The following BMPR2 variants were observed in gnomAD, a reference collection of about 807,000 sequenced individuals.
BMPR2 encodes bone morphogenetic protein receptor type 2.
A neutral mutation model predicts 100.8 loss-of-function variants in BMPR2; 29 were observed. The ratio of observed to expected loss-of-function variants is 0.29; its 90% CI spans 0.21 to 0.39. The LOEUF (loss-of-function observed/expected upper bound fraction) is 0.39, where lower values mean the gene tolerates loss of function less well. Among genes scored for constraint, BMPR2 ranks in the 10% least tolerant of loss-of-function variants. BMPR2 has a pLI of 1.00. For missense variants in BMPR2, 1,011 were observed against 1,274.5 expected (o/e 0.79, Z 3.15); for synonymous variants, 382 against 442.3 (o/e 0.86, Z 1.71).
At chr2:202,480,609 T>C (rs1209185415) in intron 3 of BMPR2, among the ~76,000 whole-genome samples, 1 of 152,126 alleles carries the variant, frequency 6.6e-6, no homozygotes, top group Non-Finnish European at 1.5e-5. Flanking sequence ...CAGTATCTTT[T>C]GTGGAAAATA....
chr2:202,546,091 C>T (rs1308850072), intron 10 of BMPR2, among the ~76,000 whole-genome samples: 1 of 152,092 alleles, frequency 6.6e-6, no homozygotes, highest in East Asian at 1.9e-4. Context: ...TTTTTACTTC[C>T]AGTATAGAGT....
At chr2:202,480,739 G>A (rs1692642519) in intron 3 of BMPR2, among the ~76,000 whole-genome samples, 1 of 151,824 alleles carries the variant, frequency 6.6e-6, no homozygotes, top group Non-Finnish European at 1.5e-5. Flanking sequence ...GGATCATGAG[G>A]TCAGGAGATC....
chr2:202,531,836 T>TAGTC (rs34252537), intron 8 of BMPR2, among the ~76,000 whole-genome samples: 19,061 of 151,388 alleles, frequency 0.13, 1,261 homozygotes, highest in Admixed American at 0.14. Flanking sequence ...TTCTCCATGT[T>TAGTC]AGGGTGGTCT....
At chr2:202,524,117 C>G (rs1687866014) in intron 7 of BMPR2, among the ~76,000 whole-genome samples, 1 of 152,056 alleles carries the variant, frequency 6.6e-6, no homozygotes, top group South Asian at 2.1e-4. Flanking sequence ...AATCCCAGCA[C>G]TTTGGGGGGC....
At chr2:202,421,016 G>A (rs367784361) in intron 1 of BMPR2, among the ~76,000 whole-genome samples, 2 of 151,692 alleles carry the variant, frequency 1.3e-5, no homozygotes, top group African/African-American at 4.8e-5. Context: ...TTGGGAGGCC[G>A]AGGCGGGTGG....
chr2:202,525,664 G>A (rs1223158417), intron 7 of BMPR2, among the ~76,000 whole-genome samples: 2 of 152,046 alleles, frequency 1.3e-5, no homozygotes, highest in African/African-American at 4.8e-5. Context: ...TAATATAGTT[G>A]TTGTTGATGT....
chr2:202,507,072 TAAA>T (rs74622497), intron 3 of BMPR2, among the ~76,000 whole-genome samples: 18 of 121,550 alleles, frequency 1.5e-4, no homozygotes, highest in Admixed American at 8.6e-5. Flanking sequence ...GACTCTGCCT[TAAA>T]AAAAAAAAAA....
At chr2:202,534,912 C>A (rs1200583969) in intron 9 of BMPR2, among the ~76,000 whole-genome samples, 1 of 147,294 alleles carries the variant, frequency 6.8e-6, no homozygotes, top group Non-Finnish European at 1.5e-5. Flanking sequence ...CTGACCCCCC[C>A]ACCTCCCTCC....
Position 202,556,321 on chromosome 2 carries a change from C to T in BMPR2, c.2656C>T (p.Arg886Cys), listed in dbSNP as rs148770894. 112 of 1,614,158 alleles carry T rather than the reference C, an allele frequency of 6.9e-5. No homozygotes were observed. The African/African-American group carries it at 1.1e-3, about 17-fold the overall frequency. The change falls in exon 12 of 13, where the codon CGT becomes TGT. Residue 886 changes from arginine (R) to cysteine (C), a missense_variant. Arg to Cys is a radical substitution (Grantham distance 180). Around this residue, in one of 6 missense-constraint regions of BMPR2, gnomAD observed 508 missense variants for 552.0 expected, o/e 0.92. Transcript: ENST00000374580. ...TGGCCATGATGAAGGTGTTCTGGAT[C>T]GTCTTGTGGACAGGAGGGAACGGCC... is the stretch of plus-strand genomic sequence containing the variant. ...QAGHDEGVLD[R>C]LVDRRERPLE... is the part of the protein sequence containing the mutation.
intron 3 of BMPR2, among the ~76,000 whole-genome samples, chr2:202,492,700 C>CAAAAAAAAAAAAAAAAAAA (rs1166246933): frequency 1.9e-5 from 1 of 52,810 alleles, no homozygotes; most frequent in Non-Finnish European, 3.1e-5. Flanking sequence ...AGCTCTGTCT[C>CAAAAAAAAAAAAAAAAAAA]AAAAAAAAAA....
chr2:202,541,985 C>T (rs1688284317), intron 9 of BMPR2, among the ~76,000 whole-genome samples: 1 of 151,848 alleles, frequency 6.6e-6, no homozygotes, highest in African/African-American at 2.4e-5. Context: ...GTGGTGTGCG[C>T]CTGTAATCCA....
chr2:202,410,269 G>A (rs1451146199), intron 1 of BMPR2, among the ~76,000 whole-genome samples: 1 of 151,868 alleles, frequency 6.6e-6, no homozygotes, highest in East Asian at 1.9e-4. Context: ...ACAGGTGTGA[G>A]TCACCATGCC....
chr2:202,413,724 GTGTT>G, intron 1 of BMPR2, among the ~76,000 whole-genome samples: 1 of 151,740 alleles, frequency 6.6e-6, no homozygotes, highest in Admixed American at 6.6e-5. Context: ...GAGTACAGTA[GTGTT>G]ATTTTGGCTC....
rs532508973 is a variant in BMPR2 at position 202,535,820 on chromosome 2, C to T, written c.1276+3088C>T. 1.8e-3 allele frequency among the ~76,000 whole-genome samples: 273 copies of T among 152,330 alleles called. 5 individuals carry two copies. Among genetic ancestry groups the T allele is most frequent in the Non-Finnish European group, 3.4e-4 (23 of 68,030 alleles). Reference sequence around the variant, plus strand: ...ATTGAGCACTGAGTGAACGAGACTCCGTCTGCAATCCCGGCACCTCGGGAG... The same window carrying T: ...ATTGAGCACTGAGTGAACGAGACTCTGTCTGCAATCCCGGCACCTCGGGAG... On this transcript the variant is annotated intron_variant, in intron 9 of 12. Coordinates refer to ENST00000374580, the MANE Select transcript of BMPR2 (RefSeq NM_001204.7).
chr2:202,441,002 C>T (rs558281293), intron 1 of BMPR2, among the ~76,000 whole-genome samples: 9 of 150,372 alleles, frequency 6.0e-5, no homozygotes, highest in South Asian at 4.2e-4. Flanking sequence ...TTCTTGGAGA[C>T]GGAGTCTTGC....
chr2:202,529,566 A>G (rs1687979847), intron 7 of BMPR2, among the ~76,000 whole-genome samples: 1 of 152,194 alleles, frequency 6.6e-6, no homozygotes, highest in South Asian at 2.1e-4. Flanking sequence ...CAGCTCTTGC[A>G]GGAATTGAGT....
chr2:202,471,193 T>C (rs999801045), intron 3 of BMPR2, among the ~76,000 whole-genome samples: 3 of 152,224 alleles, frequency 2.0e-5, no homozygotes, highest in East Asian at 1.9e-4. Context: ...AACAAGTACA[T>C]TAATGAACTG....
chr2:202,496,096 T>C (rs1693021526), intron 3 of BMPR2, among the ~76,000 whole-genome samples: 1 of 152,250 alleles, frequency 6.6e-6, no homozygotes, highest in South Asian at 2.1e-4. Flanking sequence ...ATGATTAAAA[T>C]GCTGCAAACA....
At position 202,542,407 on chromosome 2, in the gene BMPR2, A is replaced by G; in HGVS notation, c.1373A>G (p.Gln458Arg). ...CAGGTTCTCGTGTCTAGGGAAAAAC[A>G]GAGACCCAAGTTCCCAGAAGCCTGG... ...DMQVLVSREK[Q>R]RPKFPEAWKE... is the part of the protein sequence containing the mutation. Residue 458 changes from glutamine (Q) to arginine (R), a missense_variant, in exon 10 of 13, where the codon CAG (glutamine) becomes CGG (arginine). Gln to Arg is a conservative substitution (Grantham distance 43, BLOSUM62 1). Around this residue, in one of 6 missense-constraint regions of BMPR2, gnomAD observed 83 missense variants for 140.7 expected, o/e 0.59. Transcript: ENST00000374580. The G allele has an allele frequency of 6.2e-7, 1 of 1,614,164 alleles. No individual in the cohort carries two copies. The highest frequency in any genetic ancestry group is 8.5e-7 in the Non-Finnish European group (1 of 1,180,020).
Sources: gnomAD v4.1 joint callset for allele counts (sites outside exome capture counted in the v4.1 genomes callset) on GRCh38, gnomAD v4.1.1 for gene constraint, gnomAD v4.1.1 regional missense constraint, MANE v1.5 for transcripts, NCBI Gene and HGNC (gene_info 2026-07-23, HGNC 2026-07-21) for gene names.